The following LEPR variants were observed in gnomAD, a reference collection of about 807,000 sequenced individuals.
LEPR encodes OB receptor.
A neutral mutation model predicts 114.7 loss-of-function variants in LEPR; 56 were observed. The ratio of observed to expected loss-of-function variants is 0.49; its 90% CI spans 0.39 to 0.61. LEPR has a LOEUF of 0.61. LEPR is among the 20% of genes least tolerant of loss of function. The pLI is 0.00. For synonymous variants in LEPR, 443 were observed against 461.4 expected (o/e 0.96, Z 0.51); for missense variants, 1,202 against 1,352.9 (o/e 0.89, Z 1.75).
At chr1:65,472,205 A>G (rs973374849) in intron 2 of LEPR, among the ~76,000 whole-genome samples, 3 of 152,122 alleles carry the variant, frequency 2.0e-5, no homozygotes, top group Admixed American at 2.0e-4. Flanking sequence ...TTAAAAAAGC[A>G]TAAGGCATAA....
intron 2 of LEPR, among the ~76,000 whole-genome samples, chr1:65,534,066 A>G (rs1650588614): frequency 6.6e-6 from 1 of 152,136 alleles, no homozygotes; most frequent in Non-Finnish European, 1.5e-5. Context: ...GGTATTTTAA[A>G]TTCAATGTCT....
chr1:65,581,226 G>A (rs1047597540), intron 5 of LEPR, among the ~76,000 whole-genome samples: 3 of 152,034 alleles, frequency 2.0e-5, no homozygotes, highest in African/African-American at 4.8e-5. Flanking sequence ...TCCATGTCAA[G>A]AATCCTGCTC....
chr1:65,636,898 TATC>T lies in LEPR; in HGVS notation c.3383_3385del (p.Ile1128del), dbSNP rs1296897941. On this transcript the variant is annotated inframe_deletion, in exon 20 of 20. Coordinates refer to ENST00000349533, the MANE Select transcript of LEPR (RefSeq NM_002303.6). Reference sequence around the variant, plus strand: ...GTTGCTCACACTTTGTAGAAAATAATATCAACTTAGGAACTTCTAGTAAGAAGA... The same window carrying T: ...GTTGCTCACACTTTGTAGAAAATAATAACTTAGGAACTTCTAGTAAGAAGA... 2 of 1,606,252 alleles carry T rather than the reference TATC, an allele frequency of 1.2e-6. No individual in the cohort carries two copies. The highest frequency in any genetic ancestry group is 4.5e-5 in the East Asian group (2 of 44,792).
Position 65,422,914 on chromosome 1 carries a change from T to G in LEPR, c.-97+2174T>G, listed in dbSNP as rs1557578734. Among the ~76,000 whole-genome samples, 4 of 152,178 alleles carry G rather than the reference T, an allele frequency of 2.6e-5. No homozygotes were observed. In the South Asian group the frequency reaches 8.3e-4, roughly 32 times the overall value. On this transcript the variant is annotated intron_variant, in intron 1 of 19. Coordinates refer to ENST00000349533, the MANE Select transcript of LEPR (RefSeq NM_002303.6). ...AGTTGAAAGATCACTGTCTGCTGTGTAGAGGATGGATTGGAAGAGTCACAG... is the reference window on the plus strand; with the variant it reads ...AGTTGAAAGATCACTGTCTGCTGTGGAGAGGATGGATTGGAAGAGTCACAG...
At chr1:65,594,991 C>T (rs1328425015) in intron 6 of LEPR, among the ~76,000 whole-genome samples, 3 of 151,972 alleles carry the variant, frequency 2.0e-5, no homozygotes, top group Non-Finnish European at 2.9e-5. Flanking sequence ...CAGATACCAA[C>T]TCTATAAAGC....
At chr1:65,446,330 G>T (rs888939736) in intron 2 of LEPR, among the ~76,000 whole-genome samples, 3 of 152,144 alleles carry the variant, frequency 2.0e-5, no homozygotes, top group African/African-American at 7.2e-5. Context: ...ACCATATAGG[G>T]TAATGACATT....
chr1:65,517,873 T>C (rs1428287916), intron 2 of LEPR, among the ~76,000 whole-genome samples: 1 of 152,216 alleles, frequency 6.6e-6, no homozygotes, highest in East Asian at 1.9e-4. Flanking sequence ...TAAACCTGGC[T>C]CCCTCTTCAT....
At chr1:65,434,396 C>G (rs1287867656) in intron 2 of LEPR, 1 of 985,180 alleles carries the variant, frequency 1.0e-6, no homozygotes, top group Non-Finnish European at 1.2e-6. Flanking sequence ...GATTGCACTT[C>G]CAAAATTGGC....
Position 65,598,718 on chromosome 1 carries a change from C to G in LEPR, c.908C>G (p.Ser303Trp), listed in dbSNP as rs142544404. 6.2e-7 allele frequency: 1 copy of G among 1,613,440 alleles called. No homozygotes were observed. Residue 303 changes from serine to tryptophan, a missense_variant, in exon 8 of 20, where the codon TCG (serine) becomes TGG (tryptophan). By Grantham distance (177) the Ser-to-Trp change is radical (BLOSUM62 -3). Coordinates refer to ENST00000349533, the MANE Select transcript of LEPR (RefSeq NM_002303.6). ...GTAGACAGTATACTTCCTGGGTCTT[C>G]GTATGAGGTTCAGGTGAGGGGCAAG... ...LLVDSILPGS[S>W]YEVQVRGKRL... is the part of the protein sequence containing the mutation.
At chr1:65,431,897 A>G in intron 2 of LEPR, 1 of 1,614,002 alleles carries the variant, frequency 6.2e-7, no homozygotes, top group Non-Finnish European at 8.5e-7. Context: ...AGAGGAGATG[A>G]TTTTAGCTGG....
intron 3 of LEPR, among the ~76,000 whole-genome samples, chr1:65,569,707 TAAAAAA>T (rs199787348): frequency 2.2e-5 from 2 of 92,474 alleles, no homozygotes; most frequent in Non-Finnish European, 4.2e-5. Flanking sequence ...AATTCCATCT[TAAAAAA>T]AAAAAAAAAA....
intron 2 of LEPR, among the ~76,000 whole-genome samples, chr1:65,507,639 G>T (rs957748233): frequency 6.6e-6 from 1 of 151,290 alleles, no homozygotes; most frequent in Admixed American, 6.6e-5. Flanking sequence ...GAATAATGCT[G>T]CAATGAGCAT....
chr1:65,505,452 G>T (rs184549081), intron 2 of LEPR, among the ~76,000 whole-genome samples: 3 of 152,134 alleles, frequency 2.0e-5, no homozygotes, highest in African/African-American at 7.2e-5. Flanking sequence ...TTTTTCTGCC[G>T]TTTTTTGACC....
At chr1:65,499,260 G>A (rs1236014130) in intron 2 of LEPR, among the ~76,000 whole-genome samples, 1 of 152,096 alleles carries the variant, frequency 6.6e-6, no homozygotes, top group African/African-American at 2.4e-5. Context: ...CTAATTGTAA[G>A]TCAAGAATAT....
At chr1:65,489,122 T>C (rs1006635338) in intron 2 of LEPR, among the ~76,000 whole-genome samples, 10 of 152,282 alleles carry the variant, frequency 6.6e-5, no homozygotes, top group African/African-American at 2.4e-4. Flanking sequence ...TTCCTTTCTT[T>C]TGGATATTTA....
chr1:65,441,238 C>T (rs867675904), intron 2 of LEPR, among the ~76,000 whole-genome samples: 3 of 152,192 alleles, frequency 2.0e-5, no homozygotes, highest in Non-Finnish European at 4.4e-5. Context: ...TTAGCAATAA[C>T]CACTTGAGTG....
intron 2 of LEPR, among the ~76,000 whole-genome samples, chr1:65,496,665 G>A (rs753742465): frequency 6.6e-6 from 1 of 152,140 alleles, no homozygotes; most frequent in Admixed American, 6.6e-5. Context: ...CATGTGTACT[G>A]TACACTCAGT....
rs532496719 is a variant in LEPR, at chr1:65,564,401, C to G, written c.-20-1145C>G. Among the ~76,000 whole-genome samples the G allele has an allele frequency of 6.3e-5, 9 of 142,804 alleles. No homozygotes were observed. The East Asian group carries it at 1.2e-3, about 19-fold the overall frequency. The allele number at this position is 142,804 out of a possible 152,430, so 93.7% of individuals were successfully genotyped here. ...TTCCCAGGTGAGGCAATGCCTCGCCCTGCTTCGGCTCGCACACGGTGCGTG... is the reference window on the plus strand; with the variant it reads ...TTCCCAGGTGAGGCAATGCCTCGCCGTGCTTCGGCTCGCACACGGTGCGTG... On this transcript the variant is annotated intron_variant, in intron 2 of 19. Transcript: ENST00000349533.
chr1:65,463,436 T>C (rs1397226371), intron 2 of LEPR, among the ~76,000 whole-genome samples: 1 of 152,198 alleles, frequency 6.6e-6, no homozygotes, highest in Non-Finnish European at 1.5e-5. Context: ...CCTTGTAGTA[T>C]AGTTTGAAGT....
Sources: gnomAD v4.1 joint callset for allele counts (sites outside exome capture counted in the v4.1 genomes callset) on GRCh38, gnomAD v4.1.1 for gene constraint, MANE v1.5 for transcripts, NCBI Gene and HGNC (gene_info 2026-07-23, HGNC 2026-07-21) for gene names.